ADAMTS12: variants seen among roughly 807,000 people sequenced by gnomAD.
ADAMTS12 encodes the protein ADAM metallopeptidase with thrombospondin type 1 motif 12.
In ADAMTS12, 118 loss-of-function variants were observed where a neutral mutation model predicts 167.8. The ratio of observed to expected loss-of-function variants is 0.70; its 90% CI spans 0.61 to 0.82. The LOEUF (loss-of-function observed/expected upper bound fraction) is 0.82. ADAMTS12 is among the 40% of genes least tolerant of loss of function. The pLI, the probability that ADAMTS12 is intolerant of heterozygous loss-of-function variation, is 0.00. For synonymous variants in ADAMTS12, 704 were observed against 716.9 expected, an observed-to-expected ratio of 0.98 and a Z score of 0.29; for missense variants, 1,916 against 1,998.8, an observed-to-expected ratio of 0.96 and a Z score of 0.79.
At chr5:33,891,636 G>T in intron 1 of ADAMTS12, 94 bp downstream of exon 1, 1 of 1,575,988 alleles carries the variant, frequency 6.3e-7, no homozygotes, top group Admixed American at 1.8e-5. Context: ...TCAGAGTTCA[G>T]TTCTGCCGGG....
chr5:33,557,297 G>A (rs1267707791), intron 20 of ADAMTS12, among the ~76,000 whole-genome samples: 1 of 152,178 alleles, frequency 6.6e-6, no homozygotes, highest in African/African-American at 2.4e-5. Context: ...TTCTGAGAAA[G>A]TATCTGTGAA....
chr5:33,780,326 C>A (rs141479496), intron 2 of ADAMTS12, among the ~76,000 whole-genome samples: 45 of 151,830 alleles, frequency 3.0e-4, no homozygotes, highest in African/African-American at 1.1e-3. Context: ...AGAAGAAATG[C>A]ACCAAATTTT....
intron 3 of ADAMTS12, among the ~76,000 whole-genome samples, chr5:33,735,455 C>T (rs894351791): frequency 6.6e-6 from 1 of 152,108 alleles, no homozygotes; most frequent in African/African-American, 2.4e-5. Flanking sequence ...AAGGTAAAAT[C>T]GAGGATATTA....
At chr5:33,747,884 G>C (rs1381973734) in intron 3 of ADAMTS12, among the ~76,000 whole-genome samples, 1 of 152,164 alleles carries the variant, frequency 6.6e-6, no homozygotes, top group Non-Finnish European at 1.5e-5. Flanking sequence ...CAGTGCTTCA[G>C]ACAAAGAGGT....
chr5:33,843,013 T>C (rs1305754689), intron 2 of ADAMTS12, among the ~76,000 whole-genome samples: 3 of 152,114 alleles, frequency 2.0e-5, no homozygotes, highest in African/African-American at 7.2e-5. Flanking sequence ...TAAATCCCCA[T>C]AGCATGAATT....
At chr5:33,775,774 G>T (rs1364095078) in intron 2 of ADAMTS12, among the ~76,000 whole-genome samples, 1 of 152,150 alleles carries the variant, frequency 6.6e-6, no homozygotes, top group Non-Finnish European at 1.5e-5. Context: ...GGGGTGCTGG[G>T]ATCTGAGTGT....
rs896943160 is a variant in ADAMTS12, at chr5:33,648,901, G to A, written c.1400C>T (p.Ala467Val). The A allele has an allele frequency of 2.5e-6, 4 of 1,613,888 alleles. No individual in the cohort carries two copies. Among genetic ancestry groups the A allele is most frequent in the African/African-American group, 2.7e-5 (2 of 74,908 alleles). ...KKKGLKSKVI[A>V]PGVIYDVHHQ... ...GTGAACATCATAGATCACTCCGGGG[G>A]CAATGACCTTGGACTTCAAGCCTTT... Residue 467 changes from alanine to valine, a missense_variant, in exon 9 of 24, where the codon GCC becomes GTC. Transcript: ENST00000504830.
rs187527568 is a variant in ADAMTS12, at chr5:33,792,698, G to A, written c.490-41150C>T. 4.1e-3 allele frequency among the ~76,000 whole-genome samples: 623 copies of A among 152,296 alleles called. 2 individuals are homozygous for A. The highest frequency in any genetic ancestry group is 4.4e-3 in the Admixed American group (67 of 15,298). On this transcript the variant is annotated intron_variant, in intron 2 of 23. Transcript: ENST00000504830. ...ACTTGGTTATCAGGCTGTTTCCATA[G>A]GCACAGAACAAAAACAAGAAGATAG...
chr5:33,741,687 G>T (rs1744593500), intron 3 of ADAMTS12, among the ~76,000 whole-genome samples: 1 of 152,102 alleles, frequency 6.6e-6, no homozygotes, highest in Non-Finnish European at 1.5e-5. Flanking sequence ...GAGTGCAGTG[G>T]TGCGATCTCA....
At position 33,577,056 on chromosome 5, in the gene ADAMTS12, CAG is replaced by C; in HGVS notation, c.2968_2969del (p.Leu990ValfsTer9). On this transcript the variant is annotated frameshift_variant, in exon 19 of 24. Coordinates refer to ENST00000504830, the MANE Select transcript of ADAMTS12 (RefSeq NM_030955.4). LOFTEE classifies it high-confidence loss of function. Reference protein sequence around the residue: ...DVTRKPNSRALCGLQQCPSSR... With the variant: ...DVTRKPNSRAXCGLQQCPSSR... Reference sequence around the variant, plus strand: ...TAGAAGGGCATTGCTGGAGGCCACACAGAGCTCGGCTGTTGGGTTTCCTTGTC... The same window carrying C: ...TAGAAGGGCATTGCTGGAGGCCACACAGCTCGGCTGTTGGGTTTCCTTGTC... 6.2e-7 allele frequency: 1 copy of C among 1,614,196 alleles called. No individual in the cohort carries two copies. Among genetic ancestry groups the C allele is most frequent in the Non-Finnish European group, 8.5e-7 (1 of 1,180,032 alleles).
chr5:33,730,556 G>A (rs997301845), intron 3 of ADAMTS12, among the ~76,000 whole-genome samples: 1 of 151,988 alleles, frequency 6.6e-6, no homozygotes, highest in Non-Finnish European at 1.5e-5. Context: ...ATGAATAAAG[G>A]TCTATAATTT....
At chr5:33,768,138 G>A (rs1745610862) in intron 2 of ADAMTS12, among the ~76,000 whole-genome samples, 1 of 152,210 alleles carries the variant, frequency 6.6e-6, no homozygotes, top group Admixed American at 6.5e-5. Context: ...GCTGTGCTGG[G>A]CAAGAGGCCA....
intron 3 of ADAMTS12, among the ~76,000 whole-genome samples, chr5:33,708,195 A>C (rs1327397740): frequency 1.3e-5 from 2 of 152,228 alleles, no homozygotes; most frequent in Non-Finnish European, 2.9e-5. Flanking sequence ...CATATGATAA[A>C]AAGCTTATCA....
At position 33,614,323 on chromosome 5, in the gene ADAMTS12, T is replaced by C. The variant is rs776325461; in HGVS notation, c.2442A>G (p.Lys814=). ...GCTCAACATCATTGTCAAGGCCATC[T>C]TTCTGGATTGTGTACTCATACTTGA... ...PGIKYEYTIQ[K]DGLDNDVEQQ... The change falls in exon 16 of 24, where the codon AAA becomes AAG. Residue 814 remains lysine, a synonymous_variant. Coordinates refer to ENST00000504830, the MANE Select transcript of ADAMTS12 (RefSeq NM_030955.4). The C allele has an allele frequency of 2.4e-5, 38 of 1,614,060 alleles. No individual in the cohort carries two copies. The highest frequency in any genetic ancestry group is 3.1e-5 in the Non-Finnish European group (36 of 1,180,018).
At chr5:33,874,219 A>T (rs4866397) in intron 2 of ADAMTS12, among the ~76,000 whole-genome samples, 52,851 of 152,086 alleles carry the variant, frequency 0.35, 9,490 homozygotes, top group African/African-American at 0.44. Context: ...AACTCTTAAT[A>T]CTCAACAATA....
chr5:33,567,922 T>G (rs1049014924), intron 19 of ADAMTS12, among the ~76,000 whole-genome samples: 1 of 152,142 alleles, frequency 6.6e-6, no homozygotes, highest in African/African-American at 2.4e-5. Flanking sequence ...TCCATCTGTC[T>G]GAGTTCAAGT....
intron 5 of ADAMTS12, among the ~76,000 whole-genome samples, chr5:33,664,769 C>T (rs535195528): frequency 6.6e-6 from 1 of 152,062 alleles, no homozygotes; most frequent in Admixed American, 6.5e-5. Flanking sequence ...AAAGAACTAC[C>T]ATATGATCCC....
chr5:33,667,595 C>T (rs1027148580), intron 5 of ADAMTS12, among the ~76,000 whole-genome samples: 1 of 152,130 alleles, frequency 6.6e-6, no homozygotes, highest in Non-Finnish European at 1.5e-5. Context: ...TGAAAACAAA[C>T]TCTGTTTAGA....
At chr5:33,672,070 A>C (rs1205905713) in intron 5 of ADAMTS12, among the ~76,000 whole-genome samples, 2 of 93,952 alleles carry the variant, frequency 2.1e-5, no homozygotes, top group Non-Finnish European at 4.2e-5. Flanking sequence ...CATACATACA[A>C]ACCCACATAC....
Sources: allele counts gnomAD v4.1 joint callset (sites outside exome capture counted in the v4.1 genomes callset), GRCh38; gene constraint gnomAD v4.1.1; transcripts MANE v1.5; gene names NCBI Gene and HGNC (gene_info 2026-07-23, HGNC 2026-07-21).